The following TAB2 variants were observed in gnomAD, a reference collection of about 807,000 sequenced individuals.
TAB2 encodes the protein TGF-beta activated kinase 1 (MAP3K7) binding protein 2, also known as TGF-beta-activated kinase 1 and MAP3K7-binding protein 2.
A neutral mutation model predicts 65.0 loss-of-function variants in TAB2; 3 were observed. That is an observed-to-expected ratio of 0.05 (90% confidence interval 0.02 to 0.12). The LOEUF is 0.12. Among genes scored for constraint, TAB2 ranks in the 10% least tolerant of loss-of-function variants. The pLI, the probability that TAB2 is intolerant of heterozygous loss-of-function variation, is 1.00. For synonymous variants in TAB2, 298 were observed against 285.1 expected (o/e 1.05, Z -0.46); for missense variants, 623 against 840.3 (o/e 0.74, Z 3.20).
At chr6:149,233,042 C>T (rs976246928) in intron 1 of TAB2, among the ~76,000 whole-genome samples, 3 of 152,178 alleles carry the variant, frequency 2.0e-5, no homozygotes, top group Non-Finnish European at 4.4e-5. Context: ...GTTTCACCTG[C>T]CTAGTGTCCA....
chr6:149,398,502 C>G (rs1583158945), intron 5 of TAB2, among the ~76,000 whole-genome samples: 1 of 152,116 alleles, frequency 6.6e-6, no homozygotes, highest in African/African-American at 2.4e-5. Flanking sequence ...TCTTTAATCA[C>G]ACTTGGGACT....
intron 2 of TAB2, among the ~76,000 whole-genome samples, chr6:149,371,701 C>T (rs949866018): frequency 1.3e-5 from 2 of 151,978 alleles, no homozygotes; most frequent in Non-Finnish European, 2.9e-5. Context: ...AGTAGGGTAA[C>T]TGATTCATAG....
chr6:149,347,213 A>G (rs1036697603), intron 1 of TAB2: 1 of 152,226 alleles, frequency 6.6e-6, no homozygotes, highest in African/African-American at 2.4e-5. Flanking sequence ...ATAAATTGCC[A>G]AGTGTGGCCG....
chr6:149,255,424 A>T (rs940292192), intron 1 of TAB2: 1 of 152,252 alleles, frequency 6.6e-6, no homozygotes, highest in Non-Finnish European at 1.5e-5. Context: ...AGGAGTGTGT[A>T]TGTGTGTTTC....
At chr6:149,344,922 C>T (rs1268003481) in intron 1 of TAB2, among the ~76,000 whole-genome samples, 1 of 151,988 alleles carries the variant, frequency 6.6e-6, no homozygotes, top group Non-Finnish European at 1.5e-5. Context: ...AGTGTAGAAC[C>T]AAAGTGATTA....
At chr6:149,263,501 T>C (rs1778194877) in intron 1 of TAB2, among the ~76,000 whole-genome samples, 1 of 152,168 alleles carries the variant, frequency 6.6e-6, no homozygotes, top group Non-Finnish European at 1.5e-5. Context: ...TAATTTATGA[T>C]ATGAAAAATG....
chr6:149,351,785 C>A (rs1176550683), intron 1 of TAB2, among the ~76,000 whole-genome samples: 4 of 152,154 alleles, frequency 2.6e-5, no homozygotes, highest in African/African-American at 7.2e-5. Context: ...GTATCAAATA[C>A]TGTTTTATAT....
At chr6:149,349,709 T>C (rs529121300) in intron 1 of TAB2, among the ~76,000 whole-genome samples, 2 of 152,202 alleles carry the variant, frequency 1.3e-5, no homozygotes, top group Non-Finnish European at 2.9e-5. Context: ...AAAACAGATA[T>C]AGCAGCACTG....
intron 3 of TAB2, among the ~76,000 whole-genome samples, chr6:149,394,774 T>C (rs1194913702): frequency 6.6e-6 from 1 of 152,210 alleles, no homozygotes; most frequent in Admixed American, 6.5e-5. Context: ...TTTGAACCTG[T>C]CTGTGCTATG....
intron 1 of TAB2, chr6:149,253,188 G>A (rs1777895192): frequency 6.6e-6 from 1 of 152,364 alleles, no homozygotes; most frequent in Admixed American, 6.5e-5. Flanking sequence ...CTGAGGAAGG[G>A]AGATGTCTAG....
chr6:149,285,492 G>A (rs1388140892), intron 1 of TAB2, among the ~76,000 whole-genome samples: 2 of 152,156 alleles, frequency 1.3e-5, no homozygotes, highest in Non-Finnish European at 2.9e-5. Flanking sequence ...ATTTCCACTT[G>A]TTGCCCCTAC....
chr6:149,228,400 C>T (rs1583033190), intron 1 of TAB2, among the ~76,000 whole-genome samples: 3 of 152,072 alleles, frequency 2.0e-5, no homozygotes, highest in Admixed American at 1.3e-4. Context: ...GCAGATTGCC[C>T]GTCAGAACCC....
intron 1 of TAB2, among the ~76,000 whole-genome samples, chr6:149,319,726 T>A (rs1227731033): frequency 6.6e-6 from 1 of 152,240 alleles, no homozygotes; most frequent in Admixed American, 6.5e-5. Context: ...CAATTATAGA[T>A]GAATAAGTTA....
At chr6:149,265,108 AG>A (rs1215609573) in intron 1 of TAB2, among the ~76,000 whole-genome samples, 4 of 151,532 alleles carry the variant, frequency 2.6e-5, no homozygotes, top group African/African-American at 9.7e-5. Flanking sequence ...GAAAAAAAAA[AG>A]AGGGAAAGAG....
At chr6:149,341,428 A>G (rs1394404003) in intron 1 of TAB2, among the ~76,000 whole-genome samples, 1 of 152,322 alleles carries the variant, frequency 6.6e-6, no homozygotes, top group East Asian at 1.9e-4. Flanking sequence ...TGTTTAGAAC[A>G]AGAAAATGTG....
chr6:149,333,549 A>G (rs1779844284), intron 1 of TAB2, among the ~76,000 whole-genome samples: 1 of 152,150 alleles, frequency 6.6e-6, no homozygotes, highest in African/African-American at 2.4e-5. Context: ...TAGATGGTAG[A>G]TGTATAGGCC....
intron 1 of TAB2, chr6:149,245,294 G>A (rs1443643541): frequency 1.3e-5 from 2 of 152,154 alleles, no homozygotes; most frequent in Admixed American, 1.3e-4. Context: ...AGAGCAACCT[G>A]GGCACATGTA....
chr6:149,336,540 G>T (rs557974887), intron 1 of TAB2, among the ~76,000 whole-genome samples: 1 of 152,268 alleles, frequency 6.6e-6, no homozygotes, highest in African/African-American at 2.4e-5. Flanking sequence ...AGACACAGAA[G>T]TAGACTGTAA....
intron 1 of TAB2, among the ~76,000 whole-genome samples, chr6:149,336,687 A>G (rs1779944754): frequency 6.6e-6 from 1 of 152,178 alleles, no homozygotes; most frequent in Admixed American, 6.6e-5. Context: ...TTGAAGAGGT[A>G]GTTAAGATTT....
Sources: allele counts gnomAD v4.1 joint callset (sites outside exome capture counted in the v4.1 genomes callset), GRCh38; gene constraint gnomAD v4.1.1; transcripts MANE v1.5; gene names NCBI Gene and HGNC (gene_info 2026-07-23, HGNC 2026-07-21).